SHISA5: variants seen among roughly 807,000 people sequenced by gnomAD.
SHISA5 encodes protein shisa-5.
SHISA5 carries 21 observed loss-of-function variants against 27.5 expected under a neutral mutation model. The ratio of observed to expected loss-of-function variants is 0.76; its 90% CI spans 0.54 to 1.10. The LOEUF (loss-of-function observed/expected upper bound fraction) is 1.10. Among genes scored for constraint, SHISA5 ranks in the 50% least tolerant of loss-of-function variants. SHISA5 has a pLI of 0.00. For synonymous variants in SHISA5, 137 were observed against 142.2 expected, an observed-to-expected ratio of 0.96 and a Z score of 0.26; for missense variants, 314 against 336.3, an observed-to-expected ratio of 0.93 and a Z score of 0.52.
At chr3:48,498,002 A>G (rs1427424636) in intron 2 of SHISA5, among the ~76,000 whole-genome samples, 1 of 152,208 alleles carries the variant, frequency 6.6e-6, no homozygotes, top group Non-Finnish European at 1.5e-5. Flanking sequence ...GGAAGCTTCA[A>G]TATGCTAAGA....
intron 2 of SHISA5, among the ~76,000 whole-genome samples, chr3:48,489,378 G>C (rs888081777): frequency 6.6e-5 from 10 of 151,802 alleles, no homozygotes; most frequent in Non-Finnish European, 1.5e-4. Flanking sequence ...CTGGAGTGCA[G>C]TGGCATGATC....
chr3:48,473,335 G>A lies in SHISA5; in HGVS notation c.315-3492C>T. 1 of 1,384,058 alleles carries A rather than the reference G, an allele frequency of 7.2e-7. No individual in the cohort carries two copies. Among genetic ancestry groups the A allele is most frequent in the Non-Finnish European group, 9.5e-7 (1 of 1,051,918 alleles). The allele number at this position is 1,384,058 out of a possible 1,614,324, so 85.7% of individuals were successfully genotyped here. On this transcript the variant is annotated intron_variant, in intron 3 of 5. Transcript: ENST00000296444. This position sits in a 1 kb window ranked among gnomAD's most constrained non-coding sequence, Gnocchi z 4.3. ...CTACAGGGCCTGACCTCAGAATGCAGCCTGGCCACTAGGGGGTCTAAGAGC... is the reference window on the plus strand; with the variant it reads ...CTACAGGGCCTGACCTCAGAATGCAACCTGGCCACTAGGGGGTCTAAGAGC...
chr3:48,483,980 G>C (rs1308866694), intron 2 of SHISA5, among the ~76,000 whole-genome samples: 1 of 152,166 alleles, frequency 6.6e-6, no homozygotes, highest in African/African-American at 2.4e-5. Flanking sequence ...GCCTCCCAAA[G>C]TGCTGGGATT....
chr3:48,473,592 T>A lies in SHISA5; in HGVS notation c.315-3749A>T, dbSNP rs2040721407. 3 of 1,233,276 alleles carry A rather than the reference T, an allele frequency of 2.4e-6. No individual in the cohort carries two copies. Among genetic ancestry groups the A allele is most frequent in the Admixed American group, 2.7e-5 (1 of 36,974 alleles). The allele number at this position is 1,233,276 out of a possible 1,614,324, so 76.4% of individuals were successfully genotyped here. On this transcript the variant is annotated intron_variant, in intron 3 of 5. Coordinates refer to ENST00000296444, the MANE Select transcript of SHISA5 (RefSeq NM_016479.6). The surrounding 1 kb of genome is among the most constrained non-coding windows in gnomAD (Gnocchi z 4.3). ...GCACTCTCTCCAATCTGTCTCCCCA[T>A]GTTCTCCCGGCCACCCTACTGGGGC...
chr3:48,474,042 T>C (rs2040735529), intron 3 of SHISA5, among the ~76,000 whole-genome samples: 1 of 150,434 alleles, frequency 6.6e-6, no homozygotes, highest in Non-Finnish European at 1.5e-5. Flanking sequence ...AAGAAAAATC[T>C]GGGATTTGTC....
chr3:48,469,059 G>A lies in SHISA5; in HGVS notation c.*48C>T, dbSNP rs770011200. ...GGAACCGCGCCTGCACACCACTCAC[G>A]CACACACACAACATAACCAAGTGGC... On this transcript the variant is annotated 3_prime_UTR_variant, in exon 6 of 6. Transcript: ENST00000296444. The surrounding 1 kb of genome is among the most constrained non-coding windows in gnomAD (Gnocchi z 4.6). 4.3e-5 allele frequency: 70 copies of A among 1,610,456 alleles called. No individual in the cohort carries two copies. The highest frequency in any genetic ancestry group is 2.0e-4 in the East Asian group (9 of 44,890).
Position 48,469,049 on chromosome 3 carries a change from C to T in SHISA5, c.*58G>A. Reference sequence around the variant, plus strand: ...TGGGGCGTAAGGAACCGCGCCTGCACACCACTCACGCACACACACAACATA... The same window carrying T: ...TGGGGCGTAAGGAACCGCGCCTGCATACCACTCACGCACACACACAACATA... On this transcript the variant is annotated 3_prime_UTR_variant, in exon 6 of 6. Transcript: ENST00000296444. The surrounding 1 kb of genome is among the most constrained non-coding windows in gnomAD (Gnocchi z 4.6). 1.2e-6 allele frequency: 2 copies of T among 1,609,912 alleles called. No individual in the cohort carries two copies. Among genetic ancestry groups the T allele is most frequent in the South Asian group, 1.1e-5 (1 of 91,088 alleles).
At chr3:48,493,965 G>T (rs2041490797) in intron 2 of SHISA5, among the ~76,000 whole-genome samples, 1 of 147,298 alleles carries the variant, frequency 6.8e-6, no homozygotes, top group Non-Finnish European at 1.5e-5. Flanking sequence ...ACCTTTTTTT[G>T]TGGTGAGAAC....
chr3:48,486,461 T>A (rs55725037), intron 2 of SHISA5, among the ~76,000 whole-genome samples: 3 of 106,118 alleles, frequency 2.8e-5, no homozygotes, highest in East Asian at 4.6e-4. Flanking sequence ...TATTATATAT[T>A]TATAATTATA....
At chr3:48,503,066 T>G in intron 1 of SHISA5, 1 of 1,278,354 alleles carries the variant, frequency 7.8e-7, no homozygotes. Context: ...ATTGGACCAT[T>G]GACAAGCCCA....
At position 48,479,186 on chromosome 3, in the gene SHISA5, G is replaced by T. The variant is rs369176603; in HGVS notation, c.305C>A (p.Pro102His). ...ALRFRPGYND[P>H]MSGFGATLAV... ...AGCAGGCTTTACTTACCCTGACATGGGGTCGTTGTAGCCAGGGCGAAACCT... is the reference window on the plus strand; with the variant it reads ...AGCAGGCTTTACTTACCCTGACATGTGGTCGTTGTAGCCAGGGCGAAACCT... The change falls in exon 3 of 6, where the codon CCC becomes CAC. Residue 102 changes from proline to histidine, a missense_variant. By Grantham distance (77) the Pro-to-His change is moderately conservative (BLOSUM62 -2). Coordinates refer to ENST00000296444, the MANE Select transcript of SHISA5 (RefSeq NM_016479.6). 1.9e-6 allele frequency: 3 copies of T among 1,609,312 alleles called. No individual in the cohort carries two copies. Among genetic ancestry groups the T allele is most frequent in the Non-Finnish European group, 2.5e-6 (3 of 1,178,474 alleles).
chr3:48,491,641 T>A (rs998490075), intron 2 of SHISA5, among the ~76,000 whole-genome samples: 17 of 151,996 alleles, frequency 1.1e-4, no homozygotes, highest in Non-Finnish European at 1.2e-4. Context: ...TGTTTTCGTT[T>A]GTTTGTTTTT....
rs556412478 is a variant in SHISA5 at position 48,473,076 on chromosome 3, T to C, written c.315-3233A>G. On this transcript the variant is annotated intron_variant, in intron 3 of 5. Coordinates refer to ENST00000296444, the MANE Select transcript of SHISA5 (RefSeq NM_016479.6). The surrounding 1 kb of genome is among the most constrained non-coding windows in gnomAD (Gnocchi z 4.3). The stretch of plus-strand genomic sequence containing the variant: ...CCTGGGCTTTCCCCTCTTCCCATCG[T>C]GGGCCACTCAGTTTCAATTTCCTCC... 5.3e-6 allele frequency: 8 copies of C among 1,506,270 alleles called. No individual in the cohort carries two copies. The African/African-American group carries it at 1.1e-4, about 21-fold the overall frequency. 93.3% of individuals were successfully genotyped at this position (1,506,270 alleles called of 1,614,324 possible).
chr3:48,469,300 C>T lies in SHISA5; in HGVS notation c.643+61G>A, dbSNP rs766022298. On this transcript the variant is annotated intron_variant, in intron 5 of 5. Transcript: ENST00000296444. The surrounding 1 kb of genome is among the most constrained non-coding windows in gnomAD (Gnocchi z 4.6). ...AGTGATGTAGTTTGGGATGGGTGCC[C>T]GAGGGATGCTGGCAGAGACTCGGGA... 13 of 1,565,402 alleles carry T rather than the reference C, an allele frequency of 8.3e-6. No individual in the cohort carries two copies. Among genetic ancestry groups the T allele is most frequent in the East Asian group, 2.2e-5 (1 of 44,476 alleles).
In SHISA5 at chr3:48,486,431, T is replaced by C. The variant is rs1378251195; in HGVS notation, c.234-7174A>G. On this transcript the variant is annotated intron_variant, in intron 2 of 5. Transcript: ENST00000296444. The stretch of plus-strand genomic sequence containing the variant: ...AATATATATTATATATTATATATTT[T>C]ATATATTTATAATATTATATATTAT... Among the ~76,000 whole-genome samples the C allele has an allele frequency of 4.9e-5, 5 of 101,968 alleles. No individual in the cohort carries two copies. The South Asian group carries it at 9.8e-4, about 20-fold the overall frequency. 66.9% of individuals were successfully genotyped at this position (101,968 alleles called of 152,430 possible).
chr3:48,476,495 G>C (rs1357201679), intron 3 of SHISA5, among the ~76,000 whole-genome samples: 1 of 152,180 alleles, frequency 6.6e-6, no homozygotes, highest in African/African-American at 2.4e-5. Context: ...CTTCTCCTGA[G>C]CTCCTGGCCA....
chr3:48,494,126 C>T (rs1027522683), intron 2 of SHISA5, among the ~76,000 whole-genome samples: 1,620 of 146,850 alleles, frequency 0.011, 264 homozygotes, highest in African/African-American at 0.042. Flanking sequence ...ATCCTGCCAC[C>T]TCCTAGTCTC....
At chr3:48,486,313 A>ACAT in intron 2 of SHISA5, among the ~76,000 whole-genome samples, 1 of 94,942 alleles carries the variant, frequency 1.1e-5, no homozygotes, top group African/African-American at 4.8e-5. Flanking sequence ...ATTATATAAT[A>ACAT]TATAATACAT....
chr3:48,502,929 A>G (rs1477608525), intron 1 of SHISA5, among the ~76,000 whole-genome samples: 1 of 152,234 alleles, frequency 6.6e-6, no homozygotes, highest in African/African-American at 2.4e-5. Flanking sequence ...AGTAGAGTGA[A>G]GCCCAGAGAC....
Sources: allele counts gnomAD v4.1 joint callset (sites outside exome capture counted in the v4.1 genomes callset), GRCh38; gene constraint gnomAD v4.1.1; non-coding constraint Gnocchi (gnomAD v3.1); transcripts MANE v1.5; gene names NCBI Gene and HGNC (gene_info 2026-07-23, HGNC 2026-07-21).